The following DTX1 variants were observed in gnomAD, a reference collection of about 807,000 sequenced individuals.
The protein encoded by DTX1 is E3 ubiquitin-protein ligase DTX1.
In DTX1, 26 loss-of-function variants were observed where a neutral mutation model predicts 57.8. The observed-to-expected ratio is 0.45, with a 90% CI of 0.33 to 0.62. The LOEUF is 0.62. Ranked by LOEUF, DTX1 falls within the 20% of genes least tolerant of loss-of-function variation. DTX1 has a pLI of 0.02. For missense variants in DTX1, 704 were observed against 895.3 expected, an observed-to-expected ratio of 0.79 and a Z score of 2.73; for synonymous variants, 398 against 394.1, an observed-to-expected ratio of 1.01 and a Z score of -0.12.
At position 113,077,502 on chromosome 12, in the gene DTX1, A is replaced by T. The variant is rs2044781081; in HGVS notation, c.338A>T (p.Asn113Ile). The change falls in exon 3 of 10, where the codon AAC (asparagine) becomes ATC (isoleucine). Residue 113 changes from asparagine to isoleucine, a missense_variant. Transcript: ENST00000548759. The surrounding 1 kb of genome is among the most constrained non-coding windows in gnomAD (Gnocchi z 7.8). The part of the protein sequence containing the change: ...PGKGIVWEWE[N>I]DGGAWTAYDM... The stretch of plus-strand genomic sequence containing the variant: ...AAGGGCATCGTGTGGGAGTGGGAGA[A>T]CGACGGCGGCGCATGGACGGCCTAC... The T allele has an allele frequency of 6.2e-7, 1 of 1,611,684 alleles. No individual in the cohort carries two copies. Among genetic ancestry groups the T allele is most frequent in the Non-Finnish European group, 8.5e-7 (1 of 1,179,820 alleles).
At chr12:113,063,323 G>C (rs34859653) in intron 2 of DTX1, among the ~76,000 whole-genome samples, 22,261 of 152,208 alleles carry the variant, frequency 0.15, 2,261 homozygotes, top group Middle Eastern at 0.32. Context: ...ATCTTCCCTG[G>C]GGGGTCATTT....
chr12:113,071,511 G>A (rs1192466278), intron 2 of DTX1, among the ~76,000 whole-genome samples: 2 of 152,266 alleles, frequency 1.3e-5, no homozygotes, highest in Admixed American at 1.3e-4. Context: ...ACAGCAGGGT[G>A]CCCTGAAGGC....
chr12:113,077,929 C>T lies in DTX1; in HGVS notation c.765C>T (p.Gly255=), dbSNP rs867502723. The T allele has an allele frequency of 5.1e-5, 59 of 1,146,998 alleles. No homozygotes were observed. In the Middle Eastern group the frequency reaches 2.5e-3, roughly 49 times the overall value. 71.1% of individuals were successfully genotyped at this position (1,146,998 alleles called of 1,614,324 possible). Residue 255 remains glycine, a synonymous_variant, in exon 3 of 10, where the codon GGC becomes GGT. Coordinates refer to ENST00000548759, the MANE Select transcript of DTX1 (RefSeq NM_004416.3). The surrounding 1 kb of genome is among the most constrained non-coding windows in gnomAD (Gnocchi z 7.8). ...TGCGCCCCAGCGCCACCTTCACAGG[C>T]GCCGCGCTCTGGGCAGCGCCCGCCG... ...LAVRPSATFT[G]AALWAAPAAG...
intron 2 of DTX1, among the ~76,000 whole-genome samples, chr12:113,059,074 G>A (rs751496108): frequency 6.6e-5 from 10 of 152,040 alleles, no homozygotes; most frequent in Admixed American, 2.0e-4. Flanking sequence ...GGGCGTTGGT[G>A]GTGTTGATGG....
chr12:113,093,909 T>C lies in DTX1; in HGVS notation c.1166-129T>C. 1.4e-6 allele frequency: 2 copies of C among 1,451,372 alleles called. No homozygotes were observed. The highest frequency in any genetic ancestry group is 1.9e-6 in the Non-Finnish European group (2 of 1,058,088). The allele number at this position is 1,451,372 out of a possible 1,614,324, so 89.9% of individuals were successfully genotyped here. ...CCTGACCTCTGACCCTGGCCAACCC[T>C]TGCCAGCCTGACCCCGGCCAACCCT... On this transcript the variant is annotated intron_variant, in intron 5 of 9. Transcript: ENST00000548759. The surrounding 1 kb of genome is among the most constrained non-coding windows in gnomAD (Gnocchi z 4.2).
At chr12:113,075,416 G>A (rs1427382744) in intron 2 of DTX1, among the ~76,000 whole-genome samples, 1 of 152,240 alleles carries the variant, frequency 6.6e-6, no homozygotes, top group Non-Finnish European at 1.5e-5. Flanking sequence ...GGCCTGAGGA[G>A]GCTTAAGGGA....
chr12:113,083,482 T>C (rs1322700824), intron 3 of DTX1, among the ~76,000 whole-genome samples: 1 of 152,190 alleles, frequency 6.6e-6, no homozygotes, highest in African/African-American at 2.4e-5. Flanking sequence ...CCTGCCACCA[T>C]GACCGGCTAT....
rs890934749 is a variant in DTX1 at position 113,097,807 on chromosome 12, A to C, written c.*868A>C. The C allele has an allele frequency of 1.3e-5, 2 of 152,706 alleles. No homozygotes were observed. The highest frequency in any genetic ancestry group is 2.9e-5 in the Non-Finnish European group (2 of 68,066). The allele number at this position is 152,706 out of a possible 1,614,324, so 9.5% of individuals were successfully genotyped here. ...CGATGTATTTTAAAGCAGAGTGGAC[A>C]GCAGAGAGTCAATTTCCCTTTCGTT... On this transcript the variant is annotated 3_prime_UTR_variant, in exon 10 of 10. Transcript: ENST00000548759.
Position 113,058,158 on chromosome 12 carries a change from T to G in DTX1, c.-35T>G, listed in dbSNP as rs766834427. 6.4e-7 allele frequency: 1 copy of G among 1,558,904 alleles called. No homozygotes were observed. Among genetic ancestry groups the G allele is most frequent in the Admixed American group, 1.9e-5 (1 of 52,580 alleles). ...GGCCCAGGAGGAGCTGGGCCTGCAA[T>G]AGTGGGGGACCTGGCCCCTGAGGCA... On this transcript the variant is annotated 5_prime_UTR_variant, in exon 2 of 10. Transcript: ENST00000548759.
intron 3 of DTX1, among the ~76,000 whole-genome samples, chr12:113,081,484 G>A (rs939482964): frequency 1.3e-5 from 2 of 152,142 alleles, no homozygotes; most frequent in Admixed American, 6.6e-5. Context: ...GTGTCCTCCC[G>A]GGGCACACAG....
At position 113,097,882 on chromosome 12, in the gene DTX1, T is replaced by C. The variant is rs749130810; in HGVS notation, c.*943T>C. On this transcript the variant is annotated 3_prime_UTR_variant, in exon 10 of 10. Transcript: ENST00000548759. ...TTGTCTTCGGCCAACCAGGGGCCTG[T>C]TGCCCAGGCAACTCACCAGCTCCGC... The C allele has an allele frequency of 6.5e-5, 10 of 152,748 alleles. No individual in the cohort carries two copies. The East Asian group carries it at 1.9e-3, about 29-fold the overall frequency. The allele number at this position is 152,748 out of a possible 1,614,324, so 9.5% of individuals were successfully genotyped here.
Position 113,058,057 on chromosome 12 carries a change from G to A in DTX1, c.-136G>A. 2.2e-6 allele frequency: 3 copies of A among 1,377,596 alleles called. No individual in the cohort carries two copies. The South Asian group carries it at 4.6e-5, about 21-fold the overall frequency. 85.3% of individuals were successfully genotyped at this position (1,377,596 alleles called of 1,614,324 possible). Reference sequence around the variant, plus strand: ...AACGGAGGTCTCTAGGCCTCAGAGAGAACCCAGAGTTAGAAAGGAGGCCAG... The same window carrying A: ...AACGGAGGTCTCTAGGCCTCAGAGAAAACCCAGAGTTAGAAAGGAGGCCAG... On this transcript the variant is annotated 5_prime_UTR_variant, in exon 2 of 10. Transcript: ENST00000548759.
chr12:113,093,659 C>T lies in DTX1; in HGVS notation c.1124C>T (p.Pro375Leu). ...GACGTGAAGCCCGTGCCTGGCGTGC[C>T]CGGGGTGTGCCGCAAGACCAAGAAG... is the stretch of plus-strand genomic sequence containing the variant. The part of the protein sequence containing the change: ...KSDVKPVPGV[P>L]GVCRKTKKKH... Residue 375 changes from proline (P) to leucine (L), a missense_variant, in exon 5 of 10, where the codon CCC becomes CTC. This residue lies in a region of DTX1 where 299 missense variants were observed against 311.2 expected (regional missense o/e 0.96). Coordinates refer to ENST00000548759, the MANE Select transcript of DTX1 (RefSeq NM_004416.3). The surrounding 1 kb of genome is among the most constrained non-coding windows in gnomAD (Gnocchi z 4.2). The T allele has an allele frequency of 6.2e-7, 1 of 1,613,758 alleles. No homozygotes were observed. Among genetic ancestry groups the T allele is most frequent in the Non-Finnish European group, 8.5e-7 (1 of 1,179,938 alleles).
intron 2 of DTX1, among the ~76,000 whole-genome samples, chr12:113,069,340 ATGAG>A (rs1346096164): frequency 5.3e-5 from 8 of 152,012 alleles, no homozygotes; most frequent in Non-Finnish European, 1.0e-4. Flanking sequence ...CCCATGGCGT[ATGAG>A]TGCCCGCCTC....
At position 113,090,383 on chromosome 12, in the gene DTX1, C is replaced by T. The variant is rs541312977; in HGVS notation, c.942-2779C>T. On this transcript the variant is annotated intron_variant, in intron 3 of 9. Transcript: ENST00000548759. ...GACCCTGAGAAGGGTCAAATGAATA[C>T]TCAGTGCCCCTCTTCCTGGGGCCCC... Among the ~76,000 whole-genome samples the T allele has an allele frequency of 2.6e-5, 4 of 152,288 alleles. No homozygotes were observed. The South Asian group carries it at 8.3e-4, about 32-fold the overall frequency.
chr12:113,095,911 G>GA (rs529255199), intron 9 of DTX1, among the ~76,000 whole-genome samples: 1 of 152,154 alleles, frequency 6.6e-6, no homozygotes, highest in South Asian at 2.1e-4. Flanking sequence ...CTTCACCCCA[G>GA]AAAAAAACAG....
intron 2 of DTX1, among the ~76,000 whole-genome samples, chr12:113,065,044 G>T (rs1202135042): frequency 2.6e-5 from 4 of 152,320 alleles, no homozygotes; most frequent in Middle Eastern, 3.4e-3. Context: ...TGTGATGGGA[G>T]ATAGGGGATG....
intron 2 of DTX1, among the ~76,000 whole-genome samples, chr12:113,073,190 A>G (rs965847446): frequency 6.6e-6 from 1 of 152,144 alleles, no homozygotes. Flanking sequence ...CAGGAGCTGA[A>G]TGGTGGTACT....
chr12:113,088,433 G>A (rs1482894785), intron 3 of DTX1, among the ~76,000 whole-genome samples: 1 of 152,232 alleles, frequency 6.6e-6, no homozygotes. Context: ...TCTGGCAGAA[G>A]AGGCGGCGTG....
Sources: gnomAD v4.1 joint callset for allele counts (sites outside exome capture counted in the v4.1 genomes callset) on GRCh38, gnomAD v4.1.1 for gene constraint, gnomAD v4.1.1 regional missense constraint, Gnocchi (gnomAD v3.1) non-coding constraint, MANE v1.5 for transcripts, NCBI Gene and HGNC (gene_info 2026-07-23, HGNC 2026-07-21) for gene names.